Variants in KAZN observed in about 807,000 individuals in gnomAD.
KAZN encodes kazrin, periplakin interacting protein.
A neutral mutation model predicts 87.4 loss-of-function variants in KAZN; 40 were observed. That is an observed-to-expected ratio of 0.46 (90% CI 0.36 to 0.60). KAZN has a LOEUF of 0.60. Among genes scored for constraint, KAZN ranks in the 20% least tolerant of loss-of-function variants. The pLI is 0.00. For synonymous variants in KAZN, 466 were observed against 458.3 expected (o/e 1.02, Z -0.22); for missense variants, 898 against 1,073.9 (o/e 0.84, Z 2.29).
chr1:14,396,227 A>T (rs530801545), intron 2 of KAZN, among the ~76,000 whole-genome samples: 1 of 151,950 alleles, frequency 6.6e-6, no homozygotes, highest in African/African-American at 2.4e-5. Context: ...TAGGTCTTAC[A>T]CTGGTCTGCA....
intron 2 of KAZN, among the ~76,000 whole-genome samples, chr1:14,528,533 C>T (rs1672035883): frequency 6.6e-6 from 1 of 151,722 alleles, no homozygotes; most frequent in African/African-American, 2.4e-5. Context: ...CCTGTAACCC[C>T]AGCACTTTGG....
intron 2 of KAZN, among the ~76,000 whole-genome samples, chr1:14,545,389 A>G (rs543749481): frequency 7.6e-4 from 116 of 152,192 alleles, no homozygotes; most frequent in Non-Finnish European, 1.5e-3. Context: ...CAAGCTCTGG[A>G]GACAGATTGT....
At chr1:14,687,771 A>G (rs1248081144) in intron 1 of KAZN, among the ~76,000 whole-genome samples, 4 of 152,222 alleles carry the variant, frequency 2.6e-5, no homozygotes, top group Non-Finnish European at 4.4e-5. Context: ...AATGAATCAT[A>G]TCTTAAGAGT....
At chr1:15,102,309 A>G (rs494916) in intron 11 of KAZN, among the ~76,000 whole-genome samples, 81,722 of 151,724 alleles carry the variant, frequency 0.54, 22,365 homozygotes, top group East Asian at 0.77. Flanking sequence ...CTCCTCAGAG[A>G]TAGCAACGAC....
intron 2 of KAZN, among the ~76,000 whole-genome samples, chr1:14,504,427 G>C (rs1410254389): frequency 6.6e-6 from 1 of 152,208 alleles, no homozygotes; most frequent in African/African-American, 2.4e-5. Flanking sequence ...GAAATGCCAG[G>C]CATTTTCTCT....
chr1:14,694,634 A>G (rs1641499050), intron 1 of KAZN, among the ~76,000 whole-genome samples: 1 of 152,244 alleles, frequency 6.6e-6, no homozygotes, highest in African/African-American at 2.4e-5. Flanking sequence ...GTGTCAGAGT[A>G]CAGGATCTGG....
At chr1:14,298,640 A>G (rs990638202) in intron 2 of KAZN, among the ~76,000 whole-genome samples, 8 of 152,176 alleles carry the variant, frequency 5.3e-5, no homozygotes, top group African/African-American at 1.7e-4. Flanking sequence ...TTGGAAAGGA[A>G]TGAAAGTACA....
At chr1:14,368,122 A>G (rs1660165285) in intron 2 of KAZN, among the ~76,000 whole-genome samples, 2 of 152,194 alleles carry the variant, frequency 1.3e-5, no homozygotes, top group South Asian at 4.1e-4. Context: ...GTGCAGATAC[A>G]ACACATAACA....
rs977599097 is a variant in KAZN at position 14,856,932 on chromosome 1, T to C, written c.227-103752T>C. 6.6e-6 allele frequency among the ~76,000 whole-genome samples: 1 copy of C among 152,184 alleles called. No homozygotes were observed. Among genetic ancestry groups the C allele is most frequent in the African/African-American group, 2.4e-5 (1 of 41,460 alleles). ...AAGCTAAAAGATGCTTTGGAAACTA[T>C]CTTCATCCACACATAGGGGTTTCTG... On this transcript the variant is annotated intron_variant, in intron 1 of 14. Transcript: ENST00000376030. The surrounding 1 kb of genome is among the most constrained non-coding windows in gnomAD (Gnocchi z 5.2).
chr1:14,007,961 T>A (rs549247149), intron 1 of KAZN, among the ~76,000 whole-genome samples: 129 of 152,306 alleles, frequency 8.5e-4, no homozygotes, highest in African/African-American at 3.0e-3. Context: ...TGGCCCTCAG[T>A]TGCCTCATCT....
chr1:14,934,634 C>T (rs1456969508), intron 1 of KAZN, among the ~76,000 whole-genome samples: 1 of 152,226 alleles, frequency 6.6e-6, no homozygotes, highest in African/African-American at 2.4e-5. Flanking sequence ...CAGTATGAGA[C>T]AGATTTTCTG....
chr1:14,411,835 A>G (rs552547405), intron 2 of KAZN, among the ~76,000 whole-genome samples: 2 of 151,996 alleles, frequency 1.3e-5, no homozygotes, highest in African/African-American at 4.9e-5. Context: ...CGTAACATAA[A>G]AAGAAAGTCT....
intron 2 of KAZN, among the ~76,000 whole-genome samples, chr1:14,573,405 T>A (rs1674988247): frequency 6.6e-6 from 1 of 152,126 alleles, no homozygotes; most frequent in Non-Finnish European, 1.5e-5. Context: ...TCACAGCACT[T>A]TGGCAGGCCG....
chr1:14,703,115 T>C (rs567524992), intron 1 of KAZN, among the ~76,000 whole-genome samples: 1 of 152,338 alleles, frequency 6.6e-6, no homozygotes, highest in Admixed American at 6.5e-5. Context: ...AGGATTTGAA[T>C]TCAGGTATAT....
At chr1:13,934,974 C>T (rs957668275) in intron 1 of KAZN, among the ~76,000 whole-genome samples, 3 of 151,874 alleles carry the variant, frequency 2.0e-5, no homozygotes, top group Non-Finnish European at 2.9e-5. Context: ...TGGTGGCTTA[C>T]GCCTGTAATC....
chr1:14,947,276 G>A (rs1328653275), intron 1 of KAZN, among the ~76,000 whole-genome samples: 1 of 152,164 alleles, frequency 6.6e-6, no homozygotes, highest in Non-Finnish European at 1.5e-5. Flanking sequence ...TTTCCTCAAG[G>A]GTGGGGAAGA....
intron 2 of KAZN, among the ~76,000 whole-genome samples, chr1:14,520,334 G>T (rs960359890): frequency 6.6e-6 from 1 of 152,122 alleles, no homozygotes; most frequent in Non-Finnish European, 1.5e-5. Context: ...CTCCCGAGAA[G>T]GGTGGGCATG....
chr1:14,938,066 C>A (rs375515359), intron 1 of KAZN, among the ~76,000 whole-genome samples: 6 of 152,244 alleles, frequency 3.9e-5, no homozygotes, highest in Non-Finnish European at 8.8e-5. Flanking sequence ...AGTGTGGGGA[C>A]GTTGGAGTCT....
At chr1:13,932,346 C>T (rs1316289908) in intron 1 of KAZN, among the ~76,000 whole-genome samples, 3 of 148,714 alleles carry the variant, frequency 2.0e-5, no homozygotes. Context: ...CTGCAAGCTC[C>T]GCCTCCCGGG....
Sources: gnomAD v4.1 joint callset for allele counts (sites outside exome capture counted in the v4.1 genomes callset) on GRCh38, gnomAD v4.1.1 for gene constraint, Gnocchi (gnomAD v3.1) non-coding constraint, MANE v1.5 for transcripts, NCBI Gene and HGNC (gene_info 2026-07-23, HGNC 2026-07-21) for gene names.